The following MYO3B variants were observed in gnomAD, a reference collection of about 807,000 sequenced individuals.
MYO3B encodes myosin-IIIb.
In MYO3B, 156 loss-of-function variants were observed where a neutral mutation model predicts 174.6. The observed-to-expected ratio is 0.89, with a 90% CI of 0.78 to 1.02. The LOEUF (loss-of-function observed/expected upper bound fraction) is 1.02, where lower values mean the gene tolerates loss of function less well. Among genes scored for constraint, MYO3B ranks in the 50% least tolerant of loss-of-function variants. MYO3B has a pLI of 0.00. For missense variants in MYO3B, 1,632 were observed against 1,639.4 expected (o/e 1.00, Z 0.08); for synonymous variants, 563 against 569.1 (o/e 0.99, Z 0.15).
chr2:170,636,363 T>A (rs574395841), intron 32 of MYO3B, among the ~76,000 whole-genome samples: 1 of 151,886 alleles, frequency 6.6e-6, no homozygotes, highest in Admixed American at 6.6e-5. Context: ...TAACTGTTTG[T>A]GTTATGTTAT....
chr2:170,267,766 T>G (rs2093395232), intron 7 of MYO3B, among the ~76,000 whole-genome samples: 2 of 152,222 alleles, frequency 1.3e-5, no homozygotes, highest in Non-Finnish European at 1.5e-5. Context: ...ATATTTATTT[T>G]CGAGGACATA....
intron 32 of MYO3B, among the ~76,000 whole-genome samples, chr2:170,606,235 C>A (rs961963994): frequency 6.6e-6 from 1 of 152,176 alleles, no homozygotes; most frequent in Non-Finnish European, 1.5e-5. Context: ...AACTGCCTCC[C>A]TGGCCATCAA....
intron 23 of MYO3B, among the ~76,000 whole-genome samples, chr2:170,452,350 G>C (rs1013082220): frequency 5.9e-5 from 9 of 152,170 alleles, no homozygotes; most frequent in African/African-American, 2.2e-4. Context: ...TTCCCCAGGA[G>C]TCCAGGCTTT....
Position 170,407,805 on chromosome 2 carries a change from C to A in MYO3B, c.2611C>A (p.Leu871Ile), listed in dbSNP as rs2094520424. The stretch of plus-strand genomic sequence containing the variant: ...GGTCCTGAGAACGTCAGAAAACAAG[C>A]TTCTTCAGCAGCTCTTCTCAATCCC... ...VVVLRTSENK[L>I]LQQLFSIPLT... Residue 871 changes from leucine (L) to isoleucine (I), a missense_variant, in exon 22 of 35, where the codon CTT becomes ATT. Transcript: ENST00000408978. The A allele has an allele frequency of 6.2e-7, 1 of 1,613,946 alleles. No individual in the cohort carries two copies. Among genetic ancestry groups the A allele is most frequent in the African/African-American group, 1.3e-5 (1 of 74,918 alleles).
chr2:170,563,147 T>TACACAC (rs1191919984), intron 32 of MYO3B, among the ~76,000 whole-genome samples: 1 of 117,944 alleles, frequency 8.5e-6, no homozygotes, highest in Non-Finnish European at 1.7e-5. Context: ...CACACACACA[T>TACACAC]ACACACACAC....
intron 23 of MYO3B, among the ~76,000 whole-genome samples, chr2:170,454,667 G>C (rs962789199): frequency 6.6e-6 from 1 of 152,186 alleles, no homozygotes; most frequent in Non-Finnish European, 1.5e-5. Context: ...GGCAATCCCA[G>C]ACCAGCCCCC....
intron 22 of MYO3B, among the ~76,000 whole-genome samples, chr2:170,438,001 T>G (rs566949565): frequency 6.6e-6 from 1 of 152,316 alleles, no homozygotes; most frequent in East Asian, 1.9e-4. Context: ...ATCAAATATG[T>G]GCACAGTTTT....
At chr2:170,598,881 C>T (rs768665069) in intron 32 of MYO3B, among the ~76,000 whole-genome samples, 21 of 152,152 alleles carry the variant, frequency 1.4e-4, no homozygotes, top group African/African-American at 3.4e-4. Flanking sequence ...TCTAGTACCT[C>T]GTAAGCTATA....
intron 7 of MYO3B, among the ~76,000 whole-genome samples, chr2:170,330,266 C>T (rs1269192484): frequency 6.6e-6 from 1 of 152,024 alleles, no homozygotes; most frequent in East Asian, 1.9e-4. Context: ...CATTTTGCAC[C>T]TTCTTGAGGC....
chr2:170,539,186 A>G (rs1473300904), intron 30 of MYO3B, among the ~76,000 whole-genome samples: 1 of 152,172 alleles, frequency 6.6e-6, no homozygotes. Context: ...TTTTCAGAGG[A>G]TCGAGCCATA....
Position 170,465,372 on chromosome 2 carries a change from C to T in MYO3B, c.2809-1134C>T, listed in dbSNP as rs189132691. ...GGAGATCCCAGACTCTTTTAAACAA[C>T]CCGATTTTGCATGAACTAATAGAGT... On this transcript the variant is annotated intron_variant, in intron 24 of 34. Transcript: ENST00000408978. Among the ~76,000 whole-genome samples, 134 of 152,180 alleles carry T rather than the reference C, an allele frequency of 8.8e-4. 1 individual carries two copies. Among genetic ancestry groups the T allele is most frequent in the African/African-American group, 3.2e-3 (131 of 41,514 alleles).
chr2:170,516,281 G>A (rs1378665480), intron 29 of MYO3B, among the ~76,000 whole-genome samples: 1 of 151,860 alleles, frequency 6.6e-6, no homozygotes, highest in South Asian at 2.1e-4. Context: ...ACCTCCTAAT[G>A]GTGTTCTTGG....
chr2:170,369,198 T>G (rs778352598), intron 8 of MYO3B, 24 bp from the exon 9 acceptor site: 1 of 1,607,446 alleles, frequency 6.2e-7, no homozygotes, highest in African/African-American at 1.3e-5. Flanking sequence ...GTACTTTGGA[T>G]TGTTTGTTGG....
intron 32 of MYO3B, among the ~76,000 whole-genome samples, chr2:170,546,197 C>T (rs1382637346): frequency 6.6e-6 from 1 of 152,146 alleles, no homozygotes; most frequent in Non-Finnish European, 1.5e-5. Flanking sequence ...TACTCTTTTA[C>T]TCTTTCTTAT....
At chr2:170,432,243 C>T (rs1315153998) in intron 22 of MYO3B, among the ~76,000 whole-genome samples, 1 of 151,906 alleles carries the variant, frequency 6.6e-6, no homozygotes, top group Non-Finnish European at 1.5e-5. Context: ...ATGGCAACTC[C>T]CTGTGTGTTA....
chr2:170,491,551 G>A lies in MYO3B; in HGVS notation c.3015-7041G>A, dbSNP rs548809646. Among the ~76,000 whole-genome samples the A allele has an allele frequency of 3.2e-3, 483 of 152,148 alleles. 3 individuals are homozygous for A. Among genetic ancestry groups the A allele is most frequent in the African/African-American group, 0.011 (457 of 41,524 alleles). On this transcript the variant is annotated intron_variant, in intron 25 of 34. Transcript: ENST00000408978. ...CGCCATTCTCCTGCCTCAGCCTCCC[G>A]AGTAGCTGGGACTATAGGTGCCCGC...
chr2:170,609,706 G>T (rs1261980689), intron 32 of MYO3B, among the ~76,000 whole-genome samples: 1 of 152,210 alleles, frequency 6.6e-6, no homozygotes, highest in Non-Finnish European at 1.5e-5. Flanking sequence ...ATCAGTGCTG[G>T]TAAGGTGGCC....
chr2:170,649,020 A>ATT (rs1491412311), intron 32 of MYO3B, among the ~76,000 whole-genome samples: 1 of 73,116 alleles, frequency 1.4e-5, no homozygotes, highest in East Asian at 5.1e-4. Flanking sequence ...TATAATGTAT[A>ATT]ATATATAAAA....
Position 170,406,964 on chromosome 2 carries a change from C to T in MYO3B, c.2521-751C>T, listed in dbSNP as rs116507864. Among the ~76,000 whole-genome samples, 282 of 152,174 alleles carry T rather than the reference C, an allele frequency of 1.9e-3. 1 individual carries two copies. Among genetic ancestry groups the T allele is most frequent in the African/African-American group, 6.4e-3 (267 of 41,528 alleles). ...TGGTTGTGAGCATAGAGTCAAACTGCCTGAGTTTTGATACCTACCTACCAC... is the reference window on the plus strand; with the variant it reads ...TGGTTGTGAGCATAGAGTCAAACTGTCTGAGTTTTGATACCTACCTACCAC... On this transcript the variant is annotated intron_variant, in intron 21 of 34. Coordinates refer to ENST00000408978, the MANE Select transcript of MYO3B (RefSeq NM_138995.5).
Sources: gnomAD v4.1 joint callset for allele counts (sites outside exome capture counted in the v4.1 genomes callset) on GRCh38, gnomAD v4.1.1 for gene constraint, MANE v1.5 for transcripts, NCBI Gene and HGNC (gene_info 2026-07-23, HGNC 2026-07-21) for gene names.